The following MMP28 variants were observed in gnomAD, a reference collection of about 807,000 sequenced individuals.
MMP28 encodes the protein matrix metalloproteinase-28.
Under a neutral mutation model 60.5 loss-of-function variants are expected in MMP28, and 55 were observed. That is an observed-to-expected ratio of 0.91 (90% CI 0.73 to 1.14). The LOEUF (loss-of-function observed/expected upper bound fraction) is 1.14. Among genes scored for constraint, MMP28 ranks in the 50% most tolerant of loss-of-function variants. The pLI is 0.00. For synonymous variants in MMP28, 318 were observed against 312.5 expected (o/e 1.02, Z -0.18); for missense variants, 686 against 738.3 (o/e 0.93, Z 0.82).
intron 2 of MMP28, among the ~76,000 whole-genome samples, chr17:35,757,660 T>TA (rs1158770707): frequency 1.3e-5 from 2 of 152,230 alleles, no homozygotes; most frequent in African/African-American, 4.8e-5. Flanking sequence ...CATGATGCTC[T>TA]AAGTTTAGGA....
chr17:35,791,837 G>A (rs919975875), intron 1 of MMP28, among the ~76,000 whole-genome samples: 2 of 152,044 alleles, frequency 1.3e-5, no homozygotes, highest in Non-Finnish European at 2.9e-5. Flanking sequence ...CACCCTACAC[G>A]TGCTAGCACA....
chr17:35,795,289 T>C lies in MMP28; in HGVS notation c.89A>G (p.Gln30Arg). The C allele has an allele frequency of 6.8e-7, 1 of 1,463,280 alleles. No individual in the cohort carries two copies. The highest frequency in any genetic ancestry group is 1.7e-4 in the Middle Eastern group (1 of 5,784). 90.6% of individuals were successfully genotyped at this position (1,463,280 alleles called of 1,614,324 possible). Residue 30 changes from glutamine to arginine, a missense_variant, in exon 1 of 8, where the codon CAG becomes CGG. By Grantham distance (43) the Gln-to-Arg change is conservative. Transcript: ENST00000605424. ...LDAQPAERGG[Q>R]ELRKEAEAFL... ...TACCTCCGCCTCCTTGCGCAGCTCC[T>C]GGCCTCCGCGCTCCGCGGGCTGGGC...
intron 4 of MMP28, 100 bp from the exon 5 acceptor site, chr17:35,770,412 C>A (rs1281443904): frequency 7.2e-7 from 1 of 1,381,684 alleles, no homozygotes; most frequent in East Asian, 2.6e-5. Context: ...TGGCTGTTCT[C>A]TGCTGTATAG....
At chr17:35,794,908 T>G in intron 1 of MMP28, among the ~76,000 whole-genome samples, 1 of 152,144 alleles carries the variant, frequency 6.6e-6, no homozygotes, top group East Asian at 1.9e-4. Flanking sequence ...AACTGAGGCT[T>G]CCACACGGTT....
In MMP28 at chr17:35,777,848, CA is replaced by C. The variant is rs777948051; in HGVS notation, c.379+1039del. ...TTCGAGACCAGCCTGGCCAACATGG[CA>C]AAACCCTGTCTCTACTAAAAATACA... On this transcript the variant is annotated intron_variant, in intron 3 of 7. Transcript: ENST00000605424. Among the ~76,000 whole-genome samples the C allele has an allele frequency of 5.9e-5, 9 of 152,194 alleles. No homozygotes were observed. In the East Asian group the frequency reaches 7.7e-4, roughly 13 times the overall value.
chr17:35,771,736 TATATATATATATATATATAA>T (rs1366910919), intron 4 of MMP28, among the ~76,000 whole-genome samples: 8 of 92,456 alleles, frequency 8.7e-5, no homozygotes, highest in Non-Finnish European at 1.3e-4. Flanking sequence ...TATATATATA[TATATATATATATATATATAA>T]AATTGTGTTC....
At chr17:35,763,214 G>T (rs2085859458), downstream of MMP28, among the ~76,000 whole-genome samples, 1 of 151,968 alleles carries the variant, frequency 6.6e-6, no homozygotes, top group Non-Finnish European at 1.5e-5. Context: ...CAGGAGGGCT[G>T]CTTGAAGCCA....
Position 35,766,173 on chromosome 17 carries a change from G to T in MMP28, c.*327C>A. The T allele has an allele frequency of 9.0e-7, 1 of 1,106,478 alleles. No homozygotes were observed. 68.5% of individuals were successfully genotyped at this position (1,106,478 alleles called of 1,614,324 possible). ...ATCCCCCTGCTTGGATCCCAGTGCT[G>T]TTACCTCTTGAAAGGAACTGTACCT... is the stretch of plus-strand genomic sequence containing the variant. On this transcript the variant is annotated 3_prime_UTR_variant, in exon 8 of 8. Transcript: ENST00000605424. This position sits in a 1 kb window ranked among gnomAD's most constrained non-coding sequence, Gnocchi z 4.3.
intron 1 of MMP28, among the ~76,000 whole-genome samples, chr17:35,786,699 C>CCAAAAAAAAAAAAAAAA (rs2086657491): frequency 1.4e-5 from 1 of 71,068 alleles, no homozygotes; most frequent in African/African-American, 6.4e-5. Context: ...CCTGTCTCTA[C>CCAAAAAAAAAAAAAAAA]AAAAAAAAAA....
At chr17:35,761,067 T>A, downstream of MMP28, 1 of 1,193,104 alleles carries the variant, frequency 8.4e-7, no homozygotes, top group Non-Finnish European at 1.2e-6. Context: ...CCCATCCATG[T>A]AGCTGCAAGC....
At chr17:35,767,986 C>G in intron 6 of MMP28, 67 bp from the exon 7 acceptor site, 2 of 1,509,890 alleles carry the variant, frequency 1.3e-6, no homozygotes, top group East Asian at 2.3e-5. Flanking sequence ...AGGAAAGATG[C>G]TGTCCTGGAA....
chr17:35,760,588 A>T (rs1295781944), intron 2 of MMP28, among the ~76,000 whole-genome samples: 1 of 152,228 alleles, frequency 6.6e-6, no homozygotes, highest in Non-Finnish European at 1.5e-5. Flanking sequence ...TCTCTGACTT[A>T]CAGATGAAGA....
At chr17:35,784,468 G>A (rs922022433) in intron 1 of MMP28, among the ~76,000 whole-genome samples, 3 of 152,164 alleles carry the variant, frequency 2.0e-5, no homozygotes, top group South Asian at 2.1e-4. Flanking sequence ...CCAACTTCCC[G>A]GGTGAGGAGG....
chr17:35,764,674 A>G, downstream of MMP28: 6 of 1,495,584 alleles, frequency 4.0e-6, no homozygotes, highest in Non-Finnish European at 5.3e-6. Flanking sequence ...CAGACCCCCT[A>G]CCGACCTTCT....
At chr17:35,776,888 C>CAA (rs374826303) in intron 3 of MMP28, among the ~76,000 whole-genome samples, 1 of 143,610 alleles carries the variant, frequency 7.0e-6, no homozygotes. Context: ...GGCTCCATCT[C>CAA]AAAAAAAAAA....
At chr17:35,764,664 C>G, downstream of MMP28, 1 of 1,520,382 alleles carries the variant, frequency 6.6e-7, no homozygotes, top group African/African-American at 1.5e-5. Flanking sequence ...TTCCTGGCCC[C>G]AGACCCCCTA....
At chr17:35,780,771 G>A (rs1162064914) in intron 1 of MMP28, among the ~76,000 whole-genome samples, 1 of 151,854 alleles carries the variant, frequency 6.6e-6, no homozygotes, top group Non-Finnish European at 1.5e-5. Flanking sequence ...GGAGGCAGAG[G>A]TTGTAGTGAG....
At position 35,778,966 on chromosome 17, in the gene MMP28, C is replaced by T; in HGVS notation, c.301G>A (p.Ala101Thr). The T allele has an allele frequency of 6.8e-6, 11 of 1,614,090 alleles. No individual in the cohort carries two copies. Among genetic ancestry groups the T allele is most frequent in the Non-Finnish European group, 9.3e-6 (11 of 1,179,910 alleles). The part of the protein sequence containing the change: ...CGVTDTNSYA[A>T]WAERISDLFA... ...AAGTCACTGATCCTCTCAGCCCAGG[C>T]CGCATAACTGTTGGTATCTGTAACC... The change falls in exon 3 of 8, where the codon GCC (alanine) becomes ACC (threonine). Residue 101 changes from alanine (A) to threonine (T), a missense_variant. Physicochemically the swap from Ala to Thr is moderately conservative, Grantham distance 58. Transcript: ENST00000605424.
chr17:35,786,465 T>C (rs1332248596), intron 1 of MMP28, among the ~76,000 whole-genome samples: 2 of 152,196 alleles, frequency 1.3e-5, no homozygotes, highest in African/African-American at 2.4e-5. Context: ...ACTTTACCTA[T>C]GATATACTCC....
Sources: allele counts gnomAD v4.1 joint callset (sites outside exome capture counted in the v4.1 genomes callset), GRCh38; gene constraint gnomAD v4.1.1; non-coding constraint Gnocchi (gnomAD v3.1); transcripts MANE v1.5; gene names NCBI Gene and HGNC (gene_info 2026-07-23, HGNC 2026-07-21).